PKHD1L1: variants seen among roughly 807,000 people sequenced by gnomAD.
The protein encoded by PKHD1L1 is fibrocystin-L.
Under a neutral mutation model 462.9 loss-of-function variants are expected in PKHD1L1, and 434 were observed. The observed-to-expected ratio is 0.94, with a 90% CI of 0.87 to 1.02. PKHD1L1 has a LOEUF of 1.02. PKHD1L1 is among the 50% of genes least tolerant of loss of function. PKHD1L1 has a pLI of 0.00. For synonymous variants in PKHD1L1, 1,781 were observed against 1,750.0 expected (o/e 1.02, Z -0.44); for missense variants, 5,202 against 5,096.1 (o/e 1.02, Z -0.63).
chr8:109,446,353 T>A (rs1481356427), intron 38 of PKHD1L1, among the ~76,000 whole-genome samples: 1 of 152,214 alleles, frequency 6.6e-6, no homozygotes, highest in East Asian at 1.9e-4. Flanking sequence ...TTGGTTCCTT[T>A]AATTTCCAGC....
Position 109,420,574 on chromosome 8 carries a change from T to G in PKHD1L1, c.2581T>G (p.Phe861Val). 1.2e-6 allele frequency: 2 copies of G among 1,610,420 alleles called. No individual in the cohort carries two copies. Among genetic ancestry groups the G allele is most frequent in the Non-Finnish European group, 1.7e-6 (2 of 1,178,418 alleles). ...LANKGIFLEH[F>V]QVNQTKTNGP... ...AAATAAAGGAATATTCTTAGAGCAC[T>G]TTCAGGTGAATCAGACCAAAACAAA... Residue 861 changes from phenylalanine (F) to valine (V), a missense_variant, in exon 23 of 78, where the codon TTT becomes GTT. By Grantham distance (50) the Phe-to-Val change is conservative (BLOSUM62 -1). This residue lies in a region of PKHD1L1 where 4,497 missense variants were observed against 4,336.8 expected (regional missense o/e 1.04). Coordinates refer to ENST00000378402, the MANE Select transcript of PKHD1L1 (RefSeq NM_177531.6).
At position 109,362,548 on chromosome 8, in the gene PKHD1L1, G is replaced by C. The variant is rs1232635505; in HGVS notation, c.-33G>C. 1 of 1,574,272 alleles carries C rather than the reference G, an allele frequency of 6.4e-7. No homozygotes were observed. The highest frequency in any genetic ancestry group is 1.2e-5 in the South Asian group (1 of 86,186). On this transcript the variant is annotated 5_prime_UTR_variant, in exon 1 of 78. Transcript: ENST00000378402. ...TCCAGCACTAGAGCCAGCTGCGAGC[G>C]GAGGGCACCAACTCCGCAGAACTGG...
chr8:109,409,415 A>G, intron 18 of PKHD1L1, among the ~76,000 whole-genome samples: 1 of 151,984 alleles, frequency 6.6e-6, no homozygotes, highest in East Asian at 1.9e-4. Context: ...TGCCCAGCTA[A>G]TTTTTATATT....
chr8:109,464,478 G>A lies in PKHD1L1; in HGVS notation c.7646G>A (p.Ser2549Asn). Residue 2549 changes from serine to asparagine, a missense_variant, in exon 49 of 78, where the codon AGT becomes AAT. Physicochemically the swap from Ser to Asn is conservative, Grantham distance 46. Coordinates refer to ENST00000378402, the MANE Select transcript of PKHD1L1 (RefSeq NM_177531.6). ...QYNLAVFVQQ[S>N]TSLLNDDVTP... ...AACTTGGCAGTATTTGTACAGCAAAGTACCAGTCTTCTGAATGATGATGTG... is the reference window on the plus strand; with the variant it reads ...AACTTGGCAGTATTTGTACAGCAAAATACCAGTCTTCTGAATGATGATGTG... 1 of 1,613,738 alleles carries A rather than the reference G, an allele frequency of 6.2e-7. No individual in the cohort carries two copies. The highest frequency in any genetic ancestry group is 1.3e-5 in the African/African-American group (1 of 74,998).
chr8:109,461,767 T>G lies in PKHD1L1; in HGVS notation c.7247-5T>G, dbSNP rs1365782016. ...TTTAATGATGCTTTAAAAACTGTTT[T>G]GAAGGAGAATTTGCTACACAGACCT... On this transcript the variant is annotated splice_polypyrimidine_tract_variant and splice_region_variant and intron_variant, in intron 47 of 77. Coordinates refer to ENST00000378402, the MANE Select transcript of PKHD1L1 (RefSeq NM_177531.6). 2 of 1,603,586 alleles carry G rather than the reference T, an allele frequency of 1.2e-6. No homozygotes were observed. The highest frequency in any genetic ancestry group is 1.7e-6 in the Non-Finnish European group (2 of 1,175,460).
rs1423484415 is a variant in PKHD1L1, at chr8:109,388,505, T to C, written c.578T>C (p.Ile193Thr). 2 of 1,512,698 alleles carry C rather than the reference T, an allele frequency of 1.3e-6. No homozygotes were observed. The highest frequency in any genetic ancestry group is 1.8e-6 in the Non-Finnish European group (2 of 1,113,384). The allele number at this position is 1,512,698 out of a possible 1,614,324, so 93.7% of individuals were successfully genotyped here. Residue 193 changes from isoleucine (I) to threonine (T), a missense_variant, in exon 7 of 78, where the codon ATT (isoleucine) becomes ACT (threonine). Ile to Thr is a moderately conservative substitution (Grantham distance 89). This residue lies in a region of PKHD1L1 where 4,497 missense variants were observed against 4,336.8 expected (regional missense o/e 1.04). Coordinates refer to ENST00000378402, the MANE Select transcript of PKHD1L1 (RefSeq NM_177531.6). ...GKNVRILRVYIGGMPCELLIP... is the reference protein window; with the variant it reads ...GKNVRILRVYTGGMPCELLIP... Reference sequence around the variant, plus strand: ...TAAAAATATTTGTACAGAGTTTACATTGGAGGAATGCCCTGTGAGCTTCTC... The same window carrying C: ...TAAAAATATTTGTACAGAGTTTACACTGGAGGAATGCCCTGTGAGCTTCTC...
At chr8:109,487,888 G>GGA (rs1356290541) in intron 59 of PKHD1L1, among the ~76,000 whole-genome samples, 68 of 140,564 alleles carry the variant, frequency 4.8e-4, no homozygotes, top group South Asian at 4.2e-3. Context: ...GAGAGAGAGA[G>GGA]AGAGGAAGGA....
At chr8:109,455,162 A>G (rs1816749780) in intron 45 of PKHD1L1, among the ~76,000 whole-genome samples, 1 of 152,140 alleles carries the variant, frequency 6.6e-6, no homozygotes, top group Middle Eastern at 3.2e-3. Context: ...ACATGGCAAA[A>G]CCCTGTCTCC....
At position 109,480,047 on chromosome 8, in the gene PKHD1L1, G is replaced by A. The variant is rs576102309; in HGVS notation, c.9235G>A (p.Gly3079Arg). 3.1e-5 allele frequency: 49 copies of A among 1,593,956 alleles called. No homozygotes were observed. The highest frequency in any genetic ancestry group is 4.2e-5 in the Non-Finnish European group (49 of 1,171,720). Reference sequence around the variant, plus strand: ...ATCAATGGAAAGACTCATTATTTGGGGGGTTCTAGAACTGGAAGATAAATA... The same window carrying A: ...ATCAATGGAAAGACTCATTATTTGGAGGGTTCTAGAACTGGAAGATAAATA... Reference protein sequence around the residue: ...MPSMERLIIWGVLELEDKYNV... With the variant: ...MPSMERLIIWRVLELEDKYNV... The change falls in exon 55 of 78, where the codon GGG becomes AGG. Residue 3079 changes from glycine (G) to arginine (R), a missense_variant. By Grantham distance (125) the Gly-to-Arg change is moderately radical. This residue lies in a region of PKHD1L1 where 4,497 missense variants were observed against 4,336.8 expected (regional missense o/e 1.04). Coordinates refer to ENST00000378402, the MANE Select transcript of PKHD1L1 (RefSeq NM_177531.6).
chr8:109,383,147 T>TTA (rs1247289019), intron 4 of PKHD1L1, among the ~76,000 whole-genome samples: 1 of 62,506 alleles, frequency 1.6e-5, no homozygotes, highest in African/African-American at 7.2e-5. Flanking sequence ...ATTGTATATA[T>TTA]TATATATATT....
At chr8:109,377,448 C>T (rs1004904779) in intron 2 of PKHD1L1, among the ~76,000 whole-genome samples, 8 of 152,014 alleles carry the variant, frequency 5.3e-5, no homozygotes, top group African/African-American at 1.9e-4. Context: ...TATAAATTTA[C>T]AATGACATGG....
chr8:109,527,841 A>G (rs1478630530), intron 77 of PKHD1L1, among the ~76,000 whole-genome samples: 1 of 152,214 alleles, frequency 6.6e-6, no homozygotes, highest in Admixed American at 6.5e-5. Context: ...CAATACAGAA[A>G]GAGCTAACCT....
chr8:109,449,499 G>GA lies in PKHD1L1; in HGVS notation c.6175+17dup. On this transcript the variant is annotated intron_variant, in intron 40 of 77. Transcript: ENST00000378402. Reference sequence around the variant, plus strand: ...TCCATCTAATAATGGTAAGTTGTCAGAAAAAGTAATGGCAGTCTTTGAGAA... The same window carrying GA: ...TCCATCTAATAATGGTAAGTTGTCAGAAAAAAGTAATGGCAGTCTTTGAGAA... 6.4e-7 allele frequency: 1 copy of GA among 1,565,398 alleles called. No individual in the cohort carries two copies. The highest frequency in any genetic ancestry group is 8.7e-7 in the Non-Finnish European group (1 of 1,154,910).
rs772376459 is a variant in PKHD1L1 at position 109,466,608 on chromosome 8, G to A, written c.8444G>A (p.Ser2815Asn). ...GHKGHTVIPH[S>N]SLLDPSHCTQ... ...AAAGGACATACCGTCATTCCACACA[G>A]CTCATTGCTAGACCCTTCTCATTGT... The change falls in exon 50 of 78, where the codon AGC (serine) becomes AAC (asparagine). Residue 2815 changes from serine to asparagine, a missense_variant. Coordinates refer to ENST00000378402, the MANE Select transcript of PKHD1L1 (RefSeq NM_177531.6). 30 of 1,607,876 alleles carry A rather than the reference G, an allele frequency of 1.9e-5. No individual in the cohort carries two copies. The East Asian group carries it at 6.7e-4, about 36-fold the overall frequency.
At chr8:109,369,911 C>T (rs1450552379) in intron 2 of PKHD1L1, among the ~76,000 whole-genome samples, 1 of 152,094 alleles carries the variant, frequency 6.6e-6, no homozygotes. Flanking sequence ...TTATATTGTA[C>T]TTTAGTTTAT....
At chr8:109,402,013 C>T (rs1813298294) in intron 14 of PKHD1L1, among the ~76,000 whole-genome samples, 1 of 152,034 alleles carries the variant, frequency 6.6e-6, no homozygotes, top group African/African-American at 2.4e-5. Flanking sequence ...GGCCCTGGGC[C>T]AGGTACTGGA....
intron 21 of PKHD1L1, 21 bp downstream of exon 21, chr8:109,413,566 GA>G: frequency 6.7e-7 from 1 of 1,484,810 alleles, no homozygotes; most frequent in Admixed American, 2.4e-5. Context: ...CTATGAATTT[GA>G]AAATTACATT....
At position 109,532,743 on chromosome 8, in the gene PKHD1L1, C is replaced by T. The variant is rs1821069596; in HGVS notation, c.*2653C>T. Reference sequence around the variant, plus strand: ...TTTATATCTTGTACTACTGTCTCTACTCATTCCTAAATTCCATCACCTTGT... The same window carrying T: ...TTTATATCTTGTACTACTGTCTCTATTCATTCCTAAATTCCATCACCTTGT... On this transcript the variant is annotated 3_prime_UTR_variant, in exon 78 of 78. Transcript: ENST00000378402. 6.6e-6 allele frequency among the ~76,000 whole-genome samples: 1 copy of T among 152,202 alleles called. No homozygotes were observed.
At chr8:109,410,559 A>T (rs1813785533) in intron 19 of PKHD1L1, among the ~76,000 whole-genome samples, 1 of 151,974 alleles carries the variant, frequency 6.6e-6, no homozygotes, top group African/African-American at 2.4e-5. Flanking sequence ...CACCGATGGG[A>T]TGGTGCTAAG....
Sources: gnomAD v4.1 joint callset for allele counts (sites outside exome capture counted in the v4.1 genomes callset) on GRCh38, gnomAD v4.1.1 for gene constraint, gnomAD v4.1.1 regional missense constraint, MANE v1.5 for transcripts, NCBI Gene and HGNC (gene_info 2026-07-23, HGNC 2026-07-21) for gene names.